NUP98: variants seen among roughly 807,000 people sequenced by gnomAD.
NUP98 encodes nuclear pore complex protein Nup98-Nup96.
Under a neutral mutation model 191.9 loss-of-function variants are expected in NUP98, and 26 were observed. The observed-to-expected ratio is 0.14, with a 90% CI of 0.10 to 0.19. NUP98 has a LOEUF of 0.19. Among genes scored for constraint, NUP98 ranks in the 10% least tolerant of loss-of-function variants. NUP98 has a pLI of 1.00. For missense variants in NUP98, 1,941 were observed against 2,178.8 expected (o/e 0.89, Z 2.17); for synonymous variants, 808 against 778.4 (o/e 1.04, Z -0.63).
chr11:3,726,830 T>C (rs1373250644), intron 14 of NUP98, among the ~76,000 whole-genome samples: 2 of 151,940 alleles, frequency 1.3e-5, no homozygotes, highest in Admixed American at 1.3e-4. Context: ...GGTGGTATCA[T>C]AGCTCACTGC....
intron 23 of NUP98, 32 bp from the exon 24 acceptor site, chr11:3,700,871 A>G: frequency 3.4e-6 from 5 of 1,485,736 alleles, no homozygotes; most frequent in Non-Finnish European, 4.7e-6. Context: ...AGAATAGAAA[A>G]TGAACCTAAG....
At chr11:3,762,879 T>C in intron 9 of NUP98, 23 bp downstream of exon 9, 2 of 1,607,750 alleles carry the variant, frequency 1.2e-6, no homozygotes, top group Non-Finnish European at 1.7e-6. Flanking sequence ...ATCTTCAAAT[T>C]ACAGTCAACT....
Position 3,683,451 on chromosome 11 carries a change from G to T in NUP98, c.4677-10C>A. The stretch of plus-strand genomic sequence containing the variant: ...AGCCTTCTCACGTATGCTACAGGGA[G>T]AGATAAGCTAGAATAAATCCCATCC... On this transcript the variant is annotated splice_polypyrimidine_tract_variant and intron_variant, in intron 29 of 32. Transcript: ENST00000324932. 3 of 1,613,818 alleles carry T rather than the reference G, an allele frequency of 1.9e-6. No individual in the cohort carries two copies. Among genetic ancestry groups the T allele is most frequent in the Non-Finnish European group, 2.5e-6 (3 of 1,179,874 alleles).
In NUP98 at chr11:3,700,660, T is replaced by C. The variant is rs1206175368; in HGVS notation, c.3692A>G (p.Asp1231Gly). ...VPNLGVAVIH[D>G]YADWVKEASG... is the part of the protein sequence containing the mutation. ...TGCTTCTTTAACCCAATCTGCATAG[T>C]CATGAATGACAGCAACTCCCAGATT... The change falls in exon 24 of 33, where the codon GAC becomes GGC. Residue 1231 changes from aspartate (D) to glycine (G), a missense_variant. Asp to Gly is a moderately conservative substitution (Grantham distance 94). Transcript: ENST00000324932. 1 of 1,614,224 alleles carries C rather than the reference T, an allele frequency of 6.2e-7. No homozygotes were observed. The highest frequency in any genetic ancestry group is 8.5e-7 in the Non-Finnish European group (1 of 1,180,024).
At chr11:3,692,201 C>T (rs989165109) in intron 27 of NUP98, among the ~76,000 whole-genome samples, 2 of 151,650 alleles carry the variant, frequency 1.3e-5, no homozygotes, top group Non-Finnish European at 2.9e-5. Context: ...TGGTGGTATG[C>T]ACCTGTGGTC....
chr11:3,712,841 T>A (rs980890197), intron 19 of NUP98, 113 bp from the exon 20 acceptor site: 15 of 1,142,338 alleles, frequency 1.3e-5, no homozygotes, highest in Admixed American at 1.0e-4. Flanking sequence ...GGGAGAAATA[T>A]CTAAGTATTT....
chr11:3,683,508 T>C (rs571748558), intron 29 of NUP98, 67 bp from the exon 30 acceptor site: 5 of 1,570,184 alleles, frequency 3.2e-6, no homozygotes, highest in African/African-American at 1.4e-5. Flanking sequence ...CCAGGCAGCT[T>C]AGAGTGGCCC....
chr11:3,723,509 T>C, intron 15 of NUP98, 54 bp from the exon 16 acceptor site: 1 of 1,471,562 alleles, frequency 6.8e-7, no homozygotes, highest in Non-Finnish European at 9.4e-7. Flanking sequence ...ATAACAATGA[T>C]AATAGCTAAC....
Position 3,681,941 on chromosome 11 carries a change from G to T in NUP98, c.4918+1259C>A, listed in dbSNP as rs1297131680. On this transcript the variant is annotated intron_variant, in intron 30 of 32. Coordinates refer to ENST00000324932, the MANE Select transcript of NUP98 (RefSeq NM_016320.5). ...GTTTCATCTACACTGAAAATCTGTTGTTTAGTGTAACCATCTTCATCAATG... is the reference window on the plus strand; with the variant it reads ...GTTTCATCTACACTGAAAATCTGTTTTTTAGTGTAACCATCTTCATCAATG... Among the ~76,000 whole-genome samples, 4 of 152,310 alleles carry T rather than the reference G, an allele frequency of 2.6e-5. No homozygotes were observed. The East Asian group carries it at 7.7e-4, about 29-fold the overall frequency.
chr11:3,793,942 C>T (rs1031939052), intron 1 of NUP98, among the ~76,000 whole-genome samples: 6 of 151,988 alleles, frequency 3.9e-5, no homozygotes, highest in Admixed American at 6.6e-5. Flanking sequence ...GCACTCCAGC[C>T]GGGGCAACAA....
At chr11:3,712,211 CA>C (rs754667654) in intron 20 of NUP98, 23 of 1,087,100 alleles carry the variant, frequency 2.1e-5, no homozygotes, top group Middle Eastern at 4.0e-4. Flanking sequence ...AACTGCACAT[CA>C]GGTAGTCAAT....
rs1159751021 is a variant in NUP98, at chr11:3,694,486, A to C, written c.4167+963T>G. ...CCGGGCGCGGTGGCTCACGCTTGTA[A>C]TCCCAGCACTTCAGGAGGCTGAGGC... On this transcript the variant is annotated intron_variant, in intron 26 of 32. Coordinates refer to ENST00000324932, the MANE Select transcript of NUP98 (RefSeq NM_016320.5). 3.3e-5 allele frequency among the ~76,000 whole-genome samples: 5 copies of C among 151,822 alleles called. No individual in the cohort carries two copies. In the South Asian group the frequency reaches 6.2e-4, roughly 19 times the overall value.
intron 24 of NUP98, among the ~76,000 whole-genome samples, chr11:3,699,775 T>C (rs956765246): frequency 3.3e-5 from 5 of 152,122 alleles, no homozygotes; most frequent in Admixed American, 6.6e-5. Flanking sequence ...ATTAAGTAAA[T>C]ACAAAGAACT....
intron 14 of NUP98, among the ~76,000 whole-genome samples, chr11:3,729,715 C>CAAAAAAAAAAAAAAAAAAAAAAAAAAAAA (rs755816362): frequency 3.7e-4 from 14 of 37,410 alleles, no homozygotes; most frequent in Admixed American, 8.3e-4. Flanking sequence ...ACTCTTGCCT[C>CAAAAAAAAAAAAAAAAAAAAAAAAAAAAA]AAAAAAAAAA....
At chr11:3,787,524 A>G (rs2082184316) in intron 1 of NUP98, among the ~76,000 whole-genome samples, 2 of 152,148 alleles carry the variant, frequency 1.3e-5, no homozygotes, top group Admixed American at 1.3e-4. Context: ...CAGAGGTTGC[A>G]GTGAGCCAAG....
At position 3,725,118 on chromosome 11, in the gene NUP98, G is replaced by A. The variant is rs754198079; in HGVS notation, c.1832C>T (p.Pro611Leu). The A allele has an allele frequency of 2.6e-6, 4 of 1,511,150 alleles. No individual in the cohort carries two copies. The allele number at this position is 1,511,150 out of a possible 1,614,324, so 93.6% of individuals were successfully genotyped here. A position where few individuals can be genotyped will look rare whatever the true frequency, so the allele number is the denominator to read the frequency against. ...TTCAGTGTACCTCTCTCCATTTTCT[G>A]GATATTCAGATGGTGAAGCTAGATT... Reference protein sequence around the residue: ...SENLASPSEYPENGERFSFLS... With the variant: ...SENLASPSEYLENGERFSFLS... Residue 611 changes from proline (P) to leucine (L), a missense_variant, in exon 15 of 33, where the codon CCA becomes CTA. Pro to Leu is a moderately conservative substitution (Grantham distance 98). Coordinates refer to ENST00000324932, the MANE Select transcript of NUP98 (RefSeq NM_016320.5).
At chr11:3,791,775 G>T (rs1412379998) in intron 1 of NUP98, among the ~76,000 whole-genome samples, 1 of 150,550 alleles carries the variant, frequency 6.6e-6, no homozygotes, top group Admixed American at 6.6e-5. Context: ...CCCAGGAGGC[G>T]AGGTTACAGT....
intron 12 of NUP98, among the ~76,000 whole-genome samples, chr11:3,736,095 T>A (rs1194193241): frequency 6.8e-6 from 1 of 146,102 alleles, no homozygotes; most frequent in Non-Finnish European, 1.5e-5. Flanking sequence ...TGTGTGTGTG[T>A]GTGTTTTGTT....
intron 18 of NUP98, among the ~76,000 whole-genome samples, chr11:3,716,419 T>C (rs150341653): frequency 5.7e-4 from 87 of 152,212 alleles, no homozygotes; most frequent in African/African-American, 2.0e-3. Context: ...CTGAAAATCA[T>C]TTAAGACTGG....
Sources: allele counts gnomAD v4.1 joint callset (sites outside exome capture counted in the v4.1 genomes callset), GRCh38; gene constraint gnomAD v4.1.1; transcripts MANE v1.5; gene names NCBI Gene and HGNC (gene_info 2026-07-23, HGNC 2026-07-21).